The following THADA variants were observed in gnomAD, a reference collection of about 807,000 sequenced individuals.
The protein encoded by THADA is THADA armadillo repeat containing, also known as tRNA (32-2'-O)-methyltransferase regulator THADA.
THADA carries 213 observed loss-of-function variants against 219.8 expected under a neutral mutation model. That is an observed-to-expected ratio of 0.97 (90% confidence interval 0.87 to 1.09). THADA has a LOEUF of 1.09. Among genes scored for constraint, THADA ranks in the 50% least tolerant of loss-of-function variants. The pLI, the probability that THADA is intolerant of heterozygous loss-of-function variation, is 0.00. For missense variants in THADA, 2,956 were observed against 2,311.3 expected (o/e 1.28, Z -5.72); for synonymous variants, 1,018 against 828.9 (o/e 1.23, Z -3.92).
At chr2:43,360,771 A>G (rs1202111772) in intron 29 of THADA, among the ~76,000 whole-genome samples, 2 of 152,216 alleles carry the variant, frequency 1.3e-5, no homozygotes, top group Admixed American at 1.3e-4. Flanking sequence ...TCGTTTGGGA[A>G]AGTTCAAAGA....
chr2:43,520,576 G>C (rs1692274568), intron 22 of THADA, among the ~76,000 whole-genome samples: 1 of 152,028 alleles, frequency 6.6e-6, no homozygotes, highest in South Asian at 2.1e-4. Flanking sequence ...TGTAGTCCCA[G>C]CTACTCAGGA....
chr2:43,359,691 A>C (rs1387310352), intron 29 of THADA, among the ~76,000 whole-genome samples: 1 of 152,164 alleles, frequency 6.6e-6, no homozygotes, highest in Non-Finnish European at 1.5e-5. Flanking sequence ...ACCAACAAAC[A>C]AACAAAACCA....
intron 26 of THADA, among the ~76,000 whole-genome samples, chr2:43,435,170 C>A (rs894342617): frequency 2.0e-5 from 3 of 152,158 alleles, no homozygotes; most frequent in Admixed American, 1.3e-4. Context: ...AACAAATAGC[C>A]AGGGCCAGGC....
At chr2:43,286,253 A>C (rs574239237) in intron 35 of THADA, among the ~76,000 whole-genome samples, 1 of 152,264 alleles carries the variant, frequency 6.6e-6, no homozygotes, top group East Asian at 1.9e-4. Context: ...AGGCAGGAGG[A>C]GTGGGCTAGG....
At chr2:43,512,862 A>G (rs1348013582) in intron 22 of THADA, among the ~76,000 whole-genome samples, 1 of 152,238 alleles carries the variant, frequency 6.6e-6, no homozygotes. Flanking sequence ...GGAAAGAAAA[A>G]CAAATATTCG....
intron 26 of THADA, among the ~76,000 whole-genome samples, chr2:43,480,804 C>T (rs56730946): frequency 1.3e-4 from 19 of 144,232 alleles, no homozygotes; most frequent in African/African-American, 3.6e-4. Context: ...GGCAACAGTG[C>T]GAGACTCTGT....
At chr2:43,385,558 G>C (rs184678324) in intron 29 of THADA, among the ~76,000 whole-genome samples, 604 of 129,498 alleles carry the variant, frequency 4.7e-3, no homozygotes, top group Admixed American at 0.011. Context: ...CGTGAGCGGA[G>C]ATCAAGCCAC....
At chr2:43,439,273 C>T (rs1277603569) in intron 26 of THADA, among the ~76,000 whole-genome samples, 2 of 150,408 alleles carry the variant, frequency 1.3e-5, no homozygotes, top group Non-Finnish European at 3.0e-5. Flanking sequence ...TTGAGAGAGA[C>T]GGAGAGAGAG....
At chr2:43,455,526 A>T (rs528007876) in intron 26 of THADA, among the ~76,000 whole-genome samples, 3 of 152,058 alleles carry the variant, frequency 2.0e-5, no homozygotes, top group East Asian at 1.9e-4. Flanking sequence ...TCTCACACAC[A>T]CACACACACA....
At chr2:43,459,337 C>T (rs1683367975) in intron 26 of THADA, among the ~76,000 whole-genome samples, 1 of 151,614 alleles carries the variant, frequency 6.6e-6, no homozygotes. Context: ...TCCTTGACTC[C>T]CCCAATCCCA....
At chr2:43,426,930 T>C (rs1678517170) in intron 28 of THADA, among the ~76,000 whole-genome samples, 1 of 152,204 alleles carries the variant, frequency 6.6e-6, no homozygotes, top group South Asian at 2.1e-4. Context: ...AAAATTTTAA[T>C]ACTTCTTGGA....
chr2:43,316,173 G>C (rs1490478318), intron 31 of THADA, among the ~76,000 whole-genome samples: 4 of 152,136 alleles, frequency 2.6e-5, no homozygotes, highest in Non-Finnish European at 5.9e-5. Flanking sequence ...TCAAAACTCT[G>C]TTCAACCACT....
chr2:43,291,718 TG>T lies in THADA; in HGVS notation c.4987del (p.His1663ThrfsTer12), dbSNP rs1359807322. On this transcript the variant is annotated frameshift_variant, in exon 34 of 38. Coordinates refer to ENST00000405975, the MANE Select transcript of THADA (RefSeq NM_022065.5). LOFTEE classifies it high-confidence loss of function. ...TACCTCCACACATGTCTGCATGTGG[TG>T]GGAAATGACTTTGGAAGCAAGTCTC... ...ALRLASKVISHHMQTCVENRE... is the reference protein window; with the variant it reads ...ALRLASKVISXHMQTCVENRE... 6.4e-7 allele frequency: 1 copy of T among 1,557,022 alleles called. No homozygotes were observed. Among genetic ancestry groups the T allele is most frequent in the Non-Finnish European group, 8.7e-7 (1 of 1,148,768 alleles).
At chr2:43,273,949 T>C (rs567461814) in intron 36 of THADA, among the ~76,000 whole-genome samples, 56 of 152,282 alleles carry the variant, frequency 3.7e-4, no homozygotes, top group Admixed American at 1.0e-3. Flanking sequence ...CCTGGCTACA[T>C]GGCTGCTTGG....
intron 26 of THADA, among the ~76,000 whole-genome samples, chr2:43,469,602 G>T (rs1162737120): frequency 1.3e-5 from 2 of 151,978 alleles, no homozygotes; most frequent in Non-Finnish European, 2.9e-5. Flanking sequence ...AAAAGGCTTG[G>T]TTATTAGTTT....
At chr2:43,304,515 T>C (rs1676619903) in intron 31 of THADA, among the ~76,000 whole-genome samples, 1 of 152,222 alleles carries the variant, frequency 6.6e-6, no homozygotes, top group South Asian at 2.1e-4. Context: ...CACTTGCACA[T>C]GTTCTTCCCT....
intron 20 of THADA, 58 bp downstream of exon 20, chr2:43,549,152 C>A (rs1244209055): frequency 3.7e-6 from 5 of 1,364,364 alleles, no homozygotes; most frequent in East Asian, 5.3e-5. Context: ...AAAGGGCATT[C>A]TGTACATTTT....
chr2:43,591,097 G>C (rs1701516506), intron 3 of THADA, 143 bp from the exon 4 acceptor site: 1 of 689,044 alleles, frequency 1.5e-6, no homozygotes, highest in Non-Finnish European at 2.3e-6. Flanking sequence ...GAGGTGGGCA[G>C]ATCGCTTGAG....
At chr2:43,311,322 A>G (rs1426876852) in intron 31 of THADA, among the ~76,000 whole-genome samples, 1 of 152,232 alleles carries the variant, frequency 6.6e-6, no homozygotes, top group Non-Finnish European at 1.5e-5. Flanking sequence ...AAGCACAATT[A>G]GATCCCAGCA....
Sources: allele counts gnomAD v4.1 joint callset (sites outside exome capture counted in the v4.1 genomes callset), GRCh38; gene constraint gnomAD v4.1.1; transcripts MANE v1.5; gene names NCBI Gene and HGNC (gene_info 2026-07-23, HGNC 2026-07-21).